The following SPECC1 variants were observed in gnomAD, a reference collection of about 807,000 sequenced individuals.
The protein encoded by SPECC1 is sperm antigen with calponin homology and coiled-coil domains 1.
A neutral mutation model predicts 104.1 loss-of-function variants in SPECC1; 62 were observed. That is an observed-to-expected ratio of 0.60 (90% CI 0.49 to 0.74). The LOEUF (loss-of-function observed/expected upper bound fraction) is 0.74, where lower values mean the gene tolerates loss of function less well. Among genes scored for constraint, SPECC1 ranks in the 30% least tolerant of loss-of-function variants. The probability of loss-of-function intolerance (pLI) is 0.00; values close to 1 mark genes in which losing one functional copy is unlikely to be tolerated. For missense variants in SPECC1, 1,306 were observed against 1,310.5 expected (o/e 1.00, Z 0.05); for synonymous variants, 513 against 501.6 (o/e 1.02, Z -0.30).
At chr17:20,119,149 T>A (rs2048903622) in intron 3 of SPECC1, among the ~76,000 whole-genome samples, 1 of 152,258 alleles carries the variant, frequency 6.6e-6, no homozygotes, top group African/African-American at 2.4e-5. Context: ...TACAAATTGT[T>A]TGTCAGTTAC....
intron 1 of SPECC1, among the ~76,000 whole-genome samples, chr17:20,074,443 A>G (rs2046677988): frequency 6.6e-6 from 1 of 152,034 alleles, no homozygotes; most frequent in Non-Finnish European, 1.5e-5. Flanking sequence ...ATACCTTAAA[A>G]TCTCTCTTAC....
intron 1 of SPECC1, among the ~76,000 whole-genome samples, chr17:20,077,902 G>A (rs2046823204): frequency 6.6e-6 from 1 of 152,006 alleles, no homozygotes; most frequent in Non-Finnish European, 1.5e-5. Flanking sequence ...CTTATTATCT[G>A]TAAAATGGGG....
chr17:20,082,378 T>C (rs2047007609), intron 1 of SPECC1, among the ~76,000 whole-genome samples: 1 of 152,068 alleles, frequency 6.6e-6, no homozygotes, highest in Non-Finnish European at 1.5e-5. Context: ...GGCAGGAGAA[T>C]TGCTTCATCC....
chr17:20,185,963 G>A (rs750202252), intron 3 of SPECC1, among the ~76,000 whole-genome samples: 13 of 152,142 alleles, frequency 8.5e-5, no homozygotes, highest in Non-Finnish European at 1.6e-4. Context: ...TCAGCCTCCT[G>A]AGTAGCTAGG....
chr17:20,195,563 T>G (rs1251431539), intron 3 of SPECC1, among the ~76,000 whole-genome samples: 1 of 149,980 alleles, frequency 6.7e-6, no homozygotes, highest in Admixed American at 6.7e-5. Flanking sequence ...AAACCCAATT[T>G]TTTTTTTTTT....
chr17:20,315,899 TCA>T lies in SPECC1; in HGVS notation c.*1835_*1836del, dbSNP rs2042034601. 1 of 232,550 alleles carries T rather than the reference TCA, an allele frequency of 4.3e-6. No homozygotes were observed. 14.4% of individuals were successfully genotyped at this position (232,550 alleles called of 1,614,324 possible). Reference sequence around the variant, plus strand: ...TCTTGGCTGCCCTAGTTGGTTAACTTCAGAATGTCTGGAATGGGACCAGAGAT... The same window carrying T: ...TCTTGGCTGCCCTAGTTGGTTAACTTGAATGTCTGGAATGGGACCAGAGAT... On this transcript the variant is annotated 3_prime_UTR_variant, in exon 15 of 15. Transcript: ENST00000395527.
chr17:20,043,027 T>G (rs1490064459), intron 1 of SPECC1, among the ~76,000 whole-genome samples: 1 of 152,210 alleles, frequency 6.6e-6, no homozygotes, highest in East Asian at 1.9e-4. Flanking sequence ...TTTAAATAAT[T>G]AGTTTTGTTT....
In SPECC1 at chr17:20,111,809, G is replaced by T. The variant is rs56266311; in HGVS notation, c.283+1247G>T. 383 of 699,878 alleles carry T rather than the reference G, an allele frequency of 5.5e-4. No individual in the cohort carries two copies. The East Asian group carries it at 7.0e-3, about 13-fold the overall frequency. 43.4% of individuals were successfully genotyped at this position (699,878 alleles called of 1,614,324 possible). A position where few individuals can be genotyped will look rare whatever the true frequency, so the allele number is the denominator to read the frequency against. Reference sequence around the variant, plus strand: ...GGGTGGTGGCTCACTCAGGACCCAGGGGGGGGGCAGCGCGATGAGGTGGGT... The same window carrying T: ...GGGTGGTGGCTCACTCAGGACCCAGTGGGGGGGCAGCGCGATGAGGTGGGT... On this transcript the variant is annotated intron_variant, in intron 3 of 14. Transcript: ENST00000395527.
intron 1 of SPECC1, among the ~76,000 whole-genome samples, chr17:20,022,607 T>A (rs1051355919): frequency 1.3e-5 from 2 of 152,204 alleles, no homozygotes; most frequent in African/African-American, 4.8e-5. Context: ...AAAATCCAGA[T>A]TCCTAGTCTC....
chr17:20,121,394 C>T (rs1018227878), intron 3 of SPECC1, among the ~76,000 whole-genome samples: 3 of 151,592 alleles, frequency 2.0e-5, no homozygotes, highest in South Asian at 2.1e-4. Flanking sequence ...TTTCTATAGA[C>T]GGAGTTTTGC....
At chr17:20,022,732 C>T (rs991630836) in intron 1 of SPECC1, among the ~76,000 whole-genome samples, 20 of 152,218 alleles carry the variant, frequency 1.3e-4, no homozygotes, top group African/African-American at 4.6e-4. Context: ...CTCTTGACCT[C>T]CTGGCCACTA....
At position 20,205,775 on chromosome 17, in the gene SPECC1, G is replaced by T; in HGVS notation, c.1726G>T (p.Glu576Ter). 8 of 1,614,226 alleles carry T rather than the reference G, an allele frequency of 5.0e-6. No individual in the cohort carries two copies. Among genetic ancestry groups the T allele is most frequent in the Non-Finnish European group, 6.8e-6 (8 of 1,180,032 alleles). ...TEASAVEQTAESCEVQEMLKV... is the reference protein window; with the variant it reads ...TEASAVEQTA ...GGCCAGTGCTGTGGAGCAGACGGCA[G>T]AGAGCTGCGAAGTTCAAGAAATGTT... is the stretch of plus-strand genomic sequence containing the variant. The change falls in exon 4 of 15, where the codon GAG (glutamate) becomes TAG (stop). Residue 576 changes from glutamate (E) to a stop codon, truncating the protein, a stop_gained. Coordinates refer to ENST00000395527, the MANE Select transcript of SPECC1 (RefSeq NM_001243439.2). LOFTEE classifies it high-confidence loss of function.
chr17:20,013,628 A>G (rs2044016902), intron 1 of SPECC1, among the ~76,000 whole-genome samples: 1 of 152,040 alleles, frequency 6.6e-6, no homozygotes, highest in Non-Finnish European at 1.5e-5. Flanking sequence ...CAGCCTCCCG[A>G]GTAGCTGGAA....
chr17:20,035,396 T>G (rs2152446981), intron 1 of SPECC1, among the ~76,000 whole-genome samples: 1 of 152,220 alleles, frequency 6.6e-6, no homozygotes, highest in African/African-American at 2.4e-5. Flanking sequence ...TTTACTATAT[T>G]AAGTTTTCCA....
chr17:20,244,433 C>T (rs1395056885), intron 7 of SPECC1, among the ~76,000 whole-genome samples: 1 of 152,138 alleles, frequency 6.6e-6, no homozygotes, highest in East Asian at 1.9e-4. Flanking sequence ...AAAACCCAAC[C>T]TCCTACAATT....
chr17:20,105,654 G>C (rs2048164723), intron 2 of SPECC1, among the ~76,000 whole-genome samples: 1 of 152,206 alleles, frequency 6.6e-6, no homozygotes, highest in Non-Finnish European at 1.5e-5. Flanking sequence ...CCCGGTCACT[G>C]CTACTGCTTC....
At chr17:20,309,826 T>C (rs1379449080) in intron 14 of SPECC1, among the ~76,000 whole-genome samples, 1 of 147,330 alleles carries the variant, frequency 6.8e-6, no homozygotes, top group Non-Finnish European at 1.5e-5. Flanking sequence ...TTTTTTTTTT[T>C]TTTTTTTTTG....
intron 1 of SPECC1, among the ~76,000 whole-genome samples, chr17:20,071,904 A>T (rs1489590422): frequency 6.6e-6 from 1 of 152,210 alleles, no homozygotes; most frequent in African/African-American, 2.4e-5. Context: ...GTAAGACATG[A>T]TCACATGAAA....
chr17:20,305,799 A>G, intron 13 of SPECC1: 1 of 443,448 alleles, frequency 2.3e-6, no homozygotes, highest in Non-Finnish European at 4.0e-6. Context: ...GTAAACAAAA[A>G]TTTATCTTTG....
Sources: allele counts gnomAD v4.1 joint callset (sites outside exome capture counted in the v4.1 genomes callset), GRCh38; gene constraint gnomAD v4.1.1; transcripts MANE v1.5; gene names NCBI Gene and HGNC (gene_info 2026-07-23, HGNC 2026-07-21).